Variants in CSNK2A2IP observed in about 807,000 individuals in gnomAD.
CSNK2A2IP encodes casein kinase II subunit alpha'-interacting protein.
chr3:88,438,270 T>C, the CSNK2A2IP span, among the ~76,000 whole-genome samples: 2 of 151,982 alleles, frequency 1.3e-5, no homozygotes, highest in Non-Finnish European at 2.9e-5. Context: ...GATAATACTT[T>C]AAAGTATGGT....
the CSNK2A2IP span, among the ~76,000 whole-genome samples, chr3:88,391,236 T>C: frequency 1.3e-5 from 2 of 152,202 alleles, no homozygotes; most frequent in Non-Finnish European, 2.9e-5. Context: ...ACTAAAAATG[T>C]TAGCTTTTGC....
chr3:88,420,130 T>G, the CSNK2A2IP span, among the ~76,000 whole-genome samples: 2 of 152,146 alleles, frequency 1.3e-5, no homozygotes, highest in East Asian at 3.9e-4. Flanking sequence ...GATTCCAGTG[T>G]GTAGCTAAGG....
chr3:88,446,683 G>T, the CSNK2A2IP span, among the ~76,000 whole-genome samples: 1 of 152,274 alleles, frequency 6.6e-6, no homozygotes, highest in East Asian at 1.9e-4. Flanking sequence ...GGACTTGTCA[G>T]TTGAGAGAGA....
At chr3:88,451,680 C>G in the CSNK2A2IP span, among the ~76,000 whole-genome samples, 2 of 151,168 alleles carry the variant, frequency 1.3e-5, no homozygotes, top group East Asian at 3.9e-4. Context: ...CTTCTTCCTT[C>G]CAACTGTGAG....
the CSNK2A2IP span, among the ~76,000 whole-genome samples, chr3:88,436,188 T>C: frequency 4.6e-5 from 7 of 152,138 alleles, no homozygotes; most frequent in Non-Finnish European, 1.0e-4. Flanking sequence ...AAACACCTCA[T>C]ATAATATGCA....
chr3:88,450,346 C>T, the CSNK2A2IP span, among the ~76,000 whole-genome samples: 1 of 151,970 alleles, frequency 6.6e-6, no homozygotes, highest in Non-Finnish European at 1.5e-5. Flanking sequence ...AACATGAATC[C>T]TCCATACAGC....
At chr3:88,360,294 C>T in the CSNK2A2IP span, among the ~76,000 whole-genome samples, 11 of 151,700 alleles carry the variant, frequency 7.3e-5, no homozygotes, top group African/African-American at 1.9e-4. Context: ...CCACAACGCC[C>T]GGCTATTTTT....
chr3:88,414,207 A>G, the CSNK2A2IP span, among the ~76,000 whole-genome samples: 1 of 147,990 alleles, frequency 6.8e-6, no homozygotes, highest in Non-Finnish European at 1.5e-5. Context: ...ATATATATAT[A>G]TATAAATTTG....
the CSNK2A2IP span, among the ~76,000 whole-genome samples, chr3:88,364,835 A>G: frequency 4.6e-5 from 7 of 152,336 alleles, no homozygotes; most frequent in East Asian, 5.8e-4. Context: ...TATGGAAGAA[A>G]TTATAAGAAA....
At chr3:88,433,766 A>G in the CSNK2A2IP span, among the ~76,000 whole-genome samples, 1 of 152,136 alleles carries the variant, frequency 6.6e-6, no homozygotes, top group African/African-American at 2.4e-5. Flanking sequence ...AACAGAGCAG[A>G]CACATCCTGT....
chr3:88,372,202 A>ATAACACAC, the CSNK2A2IP span, among the ~76,000 whole-genome samples: 1 of 151,700 alleles, frequency 6.6e-6, no homozygotes, highest in Non-Finnish European at 1.5e-5. Context: ...GGTTAAGTTT[A>ATAACACAC]TAACACACAT....
At chr3:88,381,691 G>A in the CSNK2A2IP span, among the ~76,000 whole-genome samples, 1 of 152,138 alleles carries the variant, frequency 6.6e-6, no homozygotes, top group African/African-American at 2.4e-5. Flanking sequence ...ACAAGATTGA[G>A]AAAAGCAATT....
chr3:88,397,681 T>A, the CSNK2A2IP span, among the ~76,000 whole-genome samples: 1 of 152,090 alleles, frequency 6.6e-6, no homozygotes, highest in Non-Finnish European at 1.5e-5. Flanking sequence ...TCATAAAATA[T>A]TAAAATTGTT....
chr3:88,430,462 T>C, the CSNK2A2IP span, among the ~76,000 whole-genome samples: 27 of 152,130 alleles, frequency 1.8e-4, no homozygotes, highest in African/African-American at 5.8e-4. Context: ...AAAGTTAAAA[T>C]GGAAGTTGCT....
chr3:88,377,226 A>G, the CSNK2A2IP span, among the ~76,000 whole-genome samples: 5 of 151,812 alleles, frequency 3.3e-5, no homozygotes, highest in Admixed American at 6.6e-5. Flanking sequence ...CCTCAAAGTC[A>G]ATATTTCTGA....
the CSNK2A2IP span, among the ~76,000 whole-genome samples, chr3:88,419,347 AC>A: frequency 6.6e-6 from 1 of 152,142 alleles, no homozygotes; most frequent in African/African-American, 2.4e-5. Flanking sequence ...ACTTATGAGA[AC>A]ATGCAATATT....
chr3:88,372,190 A>G, the CSNK2A2IP span, among the ~76,000 whole-genome samples: 1 of 151,714 alleles, frequency 6.6e-6, no homozygotes, highest in Non-Finnish European at 1.5e-5. Flanking sequence ...ATAACATTAT[A>G]TGGTTAAGTT....
the CSNK2A2IP span, among the ~76,000 whole-genome samples, chr3:88,426,889 T>TGGGGGG: frequency 3.2e-5 from 4 of 123,734 alleles, no homozygotes; most frequent in Non-Finnish European, 6.7e-5. Flanking sequence ...CCACGGGGGA[T>TGGGGGG]GGGGGGGGGC....
chr3:88,344,869 C>T, the CSNK2A2IP span, among the ~76,000 whole-genome samples: 1 of 151,908 alleles, frequency 6.6e-6, no homozygotes, highest in Non-Finnish European at 1.5e-5. Context: ...TTGTGTACTC[C>T]ATCCCACATC....
Sources: allele counts gnomAD v4.1 joint callset (sites outside exome capture counted in the v4.1 genomes callset), GRCh38; gene constraint gnomAD v4.1.1; transcripts MANE v1.5; gene names NCBI Gene and HGNC (gene_info 2026-07-23, HGNC 2026-07-21).